PDE1A: variants seen among roughly 807,000 people sequenced by gnomAD.
PDE1A encodes the protein dual specificity calcium/calmodulin-dependent 3',5'-cyclic nucleotide phosphodiesterase 1A.
Under a neutral mutation model 61.7 loss-of-function variants are expected in PDE1A, and 35 were observed. The observed-to-expected ratio is 0.57, with a 90% CI of 0.43 to 0.75. The LOEUF (loss-of-function observed/expected upper bound fraction) is 0.75. PDE1A is among the 30% of genes least tolerant of loss of function. PDE1A has a pLI of 0.00. For missense variants in PDE1A, 597 were observed against 630.6 expected, an observed-to-expected ratio of 0.95 and a Z score of 0.57; for synonymous variants, 232 against 213.2, an observed-to-expected ratio of 1.09 and a Z score of -0.77.
chr2:182,407,119 G>A (rs114699807), intron 1 of PDE1A, among the ~76,000 whole-genome samples: 2,055 of 152,184 alleles, frequency 0.014, 33 homozygotes, highest in Non-Finnish European at 0.024. Flanking sequence ...GATAGGAAAC[G>A]TCTTAAATAT....
chr2:182,231,451 G>A (rs549696741), intron 4 of PDE1A, among the ~76,000 whole-genome samples: 1 of 152,164 alleles, frequency 6.6e-6, no homozygotes, highest in Non-Finnish European at 1.5e-5. Flanking sequence ...CATTTTCTCA[G>A]AGTGGACCTC....
chr2:182,336,365 A>T (rs115714841), intron 1 of PDE1A, among the ~76,000 whole-genome samples: 4,264 of 152,296 alleles, frequency 0.028, 102 homozygotes, highest in East Asian at 0.081. Context: ...TTTGGAAGCA[A>T]CCCAAATGCC....
At chr2:182,458,699 C>T (rs956056799) in intron 2 of PDE1A, among the ~76,000 whole-genome samples, 4 of 152,086 alleles carry the variant, frequency 2.6e-5, no homozygotes, top group Admixed American at 1.3e-4. Flanking sequence ...TTTATTTTAT[C>T]ACCCTGCCTC....
chr2:182,574,936 C>T, the PDE1A span, among the ~76,000 whole-genome samples: 2 of 152,130 alleles, frequency 1.3e-5, no homozygotes. Context: ...ATGATCTGCC[C>T]ACCTCAGCCT....
intron 13 of PDE1A, among the ~76,000 whole-genome samples, chr2:182,171,228 T>C (rs1692185905): frequency 6.6e-6 from 1 of 152,136 alleles, no homozygotes; most frequent in East Asian, 1.9e-4. Context: ...GTACAGTGAT[T>C]AACATTTTGA....
At chr2:182,408,564 G>GAA (rs1702434646) in intron 1 of PDE1A, among the ~76,000 whole-genome samples, 1 of 152,176 alleles carries the variant, frequency 6.6e-6, no homozygotes, top group African/African-American at 2.4e-5. Context: ...TCTTTGGGCA[G>GAA]TAATTACCTG....
intron 1 of PDE1A, among the ~76,000 whole-genome samples, chr2:182,268,127 T>C (rs559509246): frequency 1.3e-5 from 2 of 152,200 alleles, no homozygotes; most frequent in South Asian, 2.1e-4. Flanking sequence ...ATAGATAAGT[T>C]GTTCTGGTTC....
chr2:182,512,412 C>A (rs1456181493), intron 2 of PDE1A, among the ~76,000 whole-genome samples: 1 of 152,132 alleles, frequency 6.6e-6, no homozygotes, highest in East Asian at 1.9e-4. Flanking sequence ...ACAGTCAAAC[C>A]CTCAAGTGCA....
chr2:182,693,340 T>C, the PDE1A span, among the ~76,000 whole-genome samples: 1 of 152,170 alleles, frequency 6.6e-6, no homozygotes, highest in Non-Finnish European at 1.5e-5. Flanking sequence ...CATTTTATCA[T>C]AAATATTTGT....
the PDE1A span, among the ~76,000 whole-genome samples, chr2:182,552,439 GTTTTTTTT>G: frequency 1.6e-5 from 2 of 122,860 alleles, no homozygotes; most frequent in Admixed American, 8.4e-5. Flanking sequence ...GCTACACAAA[GTTTTTTTT>G]TTTTTTTTTT....
At chr2:182,149,387 A>C (rs913454211) in intron 13 of PDE1A, among the ~76,000 whole-genome samples, 3 of 152,230 alleles carry the variant, frequency 2.0e-5, no homozygotes, top group Admixed American at 6.5e-5. Context: ...TCCCCAAATG[A>C]TACACATATT....
At chr2:182,619,946 A>G in the PDE1A span, among the ~76,000 whole-genome samples, 1 of 152,104 alleles carries the variant, frequency 6.6e-6, no homozygotes, top group South Asian at 2.1e-4. Context: ...CACTTCCAGA[A>G]GTTTTTTTTT....
the PDE1A span, among the ~76,000 whole-genome samples, chr2:182,662,825 C>A: frequency 6.6e-6 from 1 of 152,062 alleles, no homozygotes; most frequent in Non-Finnish European, 1.5e-5. Context: ...CAAAAATTGA[C>A]AAATAGGATC....
At position 182,425,061 on chromosome 2, in the gene PDE1A, AT is replaced by A. The variant is rs564493417; in HGVS notation, c.53+1516del. ...CACCTTCCCCATAGCACCTAAGCAT[AT>A]AATTAATTAATTAGGAAGAAATGAG... On this transcript the variant is annotated intron_variant, in intron 1 of 13. Transcript: ENST00000351439. Among the ~76,000 whole-genome samples the A allele has an allele frequency of 1.1e-4, 16 of 152,336 alleles. No homozygotes were observed. In the East Asian group the frequency reaches 2.5e-3, roughly 24 times the overall value.
At chr2:182,384,234 AGACAC>A (rs1700895889) in intron 1 of PDE1A, among the ~76,000 whole-genome samples, 1 of 152,206 alleles carries the variant, frequency 6.6e-6, no homozygotes, top group Non-Finnish European at 1.5e-5. Context: ...ATGCACACAT[AGACAC>A]ATGACCACAA....
At chr2:182,650,068 T>C in the PDE1A span, among the ~76,000 whole-genome samples, 1 of 151,962 alleles carries the variant, frequency 6.6e-6, no homozygotes, top group African/African-American at 2.4e-5. Context: ...GCCTAGGTGA[T>C]AGAGCGAGAC....
chr2:182,607,493 T>G, the PDE1A span, among the ~76,000 whole-genome samples: 20 of 152,270 alleles, frequency 1.3e-4, no homozygotes, highest in East Asian at 3.9e-4. Flanking sequence ...CCAAAATTCA[T>G]GCAAACTCAA....
chr2:182,512,647 G>T (rs867619830), intron 2 of PDE1A, among the ~76,000 whole-genome samples: 18 of 151,998 alleles, frequency 1.2e-4, no homozygotes, highest in Admixed American at 3.9e-4. Flanking sequence ...GGATGGCATG[G>T]AAAATTATTG....
At chr2:182,398,948 C>A (rs1288541407) in intron 1 of PDE1A, among the ~76,000 whole-genome samples, 2 of 151,904 alleles carry the variant, frequency 1.3e-5, no homozygotes, top group Non-Finnish European at 2.9e-5. Flanking sequence ...GGTAAACTAC[C>A]AAATTCCCCT....
Sources: gnomAD v4.1 joint callset for allele counts (sites outside exome capture counted in the v4.1 genomes callset) on GRCh38, gnomAD v4.1.1 for gene constraint, MANE v1.5 for transcripts, NCBI Gene and HGNC (gene_info 2026-07-23, HGNC 2026-07-21) for gene names.